The following AKT2 variants were observed in gnomAD, a reference collection of about 807,000 sequenced individuals.
AKT2 encodes the protein AKT serine/threonine kinase 2, also known as RAC-beta serine/threonine-protein kinase.
AKT2 carries 16 observed loss-of-function variants against 58.6 expected under a neutral mutation model. That is an observed-to-expected ratio of 0.27 (90% confidence interval 0.18 to 0.41). The LOEUF is 0.41. Ranked by LOEUF, AKT2 falls within the 10% of genes least tolerant of loss-of-function variation. AKT2 has a pLI of 1.00. For synonymous variants in AKT2, 253 were observed against 254.0 expected (o/e 1.00, Z 0.04); for missense variants, 438 against 661.0 (o/e 0.66, Z 3.70).
Position 40,235,242 on chromosome 19 carries a change from G to A in AKT2, c.1263+21C>T, listed in dbSNP as rs149140713. The A allele has an allele frequency of 1.2e-6, 2 of 1,614,034 alleles. No homozygotes were observed. Among genetic ancestry groups the A allele is most frequent in the Non-Finnish European group, 1.7e-6 (2 of 1,179,966 alleles). On this transcript the variant is annotated intron_variant, in intron 12 of 13. Coordinates refer to ENST00000392038, the MANE Select transcript of AKT2 (RefSeq NM_001626.6). This position sits in a 1 kb window ranked among gnomAD's most constrained non-coding sequence, Gnocchi z 6.3. Reference sequence around the variant, plus strand: ...GGGCCAGGTCCCTGAGGGTCCTGCTGGGGCAAGCAGTGGGGCTCACCTTCT... The same window carrying A: ...GGGCCAGGTCCCTGAGGGTCCTGCTAGGGCAAGCAGTGGGGCTCACCTTCT...
chr19:40,261,469 G>T (rs1481372450), intron 2 of AKT2, among the ~76,000 whole-genome samples: 2 of 150,824 alleles, frequency 1.3e-5, no homozygotes, highest in Non-Finnish European at 2.9e-5. Flanking sequence ...GGAGGCAGAG[G>T]TTGCAGTGAG....
rs1973847051 is a variant in AKT2, at chr19:40,233,862, G to A, written c.*10C>T. The stretch of plus-strand genomic sequence containing the variant: ...GCAGCGAGCGTGCGTCCTCTGCGTG[G>A]GCAGACTGCTCACTCGCGGATGCTG... On this transcript the variant is annotated 3_prime_UTR_variant, in exon 14 of 14. Transcript: ENST00000392038. This position sits in a 1 kb window ranked among gnomAD's most constrained non-coding sequence, Gnocchi z 4.3. 1.2e-6 allele frequency: 2 copies of A among 1,609,992 alleles called. No homozygotes were observed. Among genetic ancestry groups the A allele is most frequent in the Admixed American group, 3.3e-5 (2 of 59,990 alleles).
At chr19:40,270,779 G>C (rs1216268438) in intron 1 of AKT2, 1 of 152,182 alleles carries the variant, frequency 6.6e-6, no homozygotes. Flanking sequence ...TTGGAAGGCT[G>C]AGGCAAGAGG....
intron 1 of AKT2, among the ~76,000 whole-genome samples, chr19:40,271,416 G>A (rs781399280): frequency 4.0e-4 from 52 of 130,342 alleles, no homozygotes; most frequent in Non-Finnish European, 7.4e-4. Flanking sequence ...GACAAAGCCA[G>A]ACCCTGTCTC....
intron 4 of AKT2, among the ~76,000 whole-genome samples, chr19:40,247,670 G>C (rs991160525): frequency 6.6e-6 from 1 of 152,148 alleles, no homozygotes; most frequent in African/African-American, 2.4e-5. Context: ...CCCCACCCCT[G>C]CCACTCAACA....
intron 1 of AKT2, among the ~76,000 whole-genome samples, chr19:40,280,228 C>G (rs774747605): frequency 2.0e-5 from 3 of 152,172 alleles, no homozygotes; most frequent in Non-Finnish European, 4.4e-5. Context: ...TGCTGCCCTG[C>G]GTTGCTATTC....
Position 40,233,842 on chromosome 19 carries a change from G to A in AKT2, c.*30C>T, listed in dbSNP as rs776888006. 1.0e-5 allele frequency: 16 copies of A among 1,605,250 alleles called. No homozygotes were observed. Among genetic ancestry groups the A allele is most frequent in the South Asian group, 2.2e-5 (2 of 90,992 alleles). On this transcript the variant is annotated 3_prime_UTR_variant, in exon 14 of 14. Coordinates refer to ENST00000392038, the MANE Select transcript of AKT2 (RefSeq NM_001626.6). The surrounding 1 kb of genome is among the most constrained non-coding windows in gnomAD (Gnocchi z 4.3). ...AAAACCACCCAGCGGTGATGGCAGC[G>A]AGCGTGCGTCCTCTGCGTGGGCAGA... is the stretch of plus-strand genomic sequence containing the variant.
In AKT2 at chr19:40,241,496, C is replaced by T. The variant is rs543117843; in HGVS notation, c.573+442G>A. On this transcript the variant is annotated intron_variant, in intron 6 of 13. Transcript: ENST00000392038. ...ACTGGACAATGGCTACATGGGGGTC[C>T]GTAATATTTATTTTCTTTTTAAATT... 42 of 266,538 alleles carry T rather than the reference C, an allele frequency of 1.6e-4. No individual in the cohort carries two copies. The East Asian group carries it at 3.8e-3, about 24-fold the overall frequency. 16.5% of individuals were successfully genotyped at this position (266,538 alleles called of 1,614,324 possible).
In AKT2 at chr19:40,237,569, C is replaced by T. The variant is rs569713925; in HGVS notation, c.831+400G>A. 17 of 199,922 alleles carry T rather than the reference C, an allele frequency of 8.5e-5. No individual in the cohort carries two copies. Among genetic ancestry groups the T allele is most frequent in the Non-Finnish European group, 1.0e-5 (1 of 95,848 alleles). The allele number at this position is 199,922 out of a possible 1,614,324, so 12.4% of individuals were successfully genotyped here. A position where few individuals can be genotyped will look rare whatever the true frequency, so the allele number is the denominator to read the frequency against. On this transcript the variant is annotated intron_variant, in intron 9 of 13. Coordinates refer to ENST00000392038, the MANE Select transcript of AKT2 (RefSeq NM_001626.6). This position sits in a 1 kb window ranked among gnomAD's most constrained non-coding sequence, Gnocchi z 4.5. ...CTGAGGCAGGACAATCGCTTGAACC[C>T]GGGAGGCAGAGGTTGCAGCGAGCCG...
chr19:40,261,984 G>A (rs1446610797), intron 2 of AKT2, among the ~76,000 whole-genome samples: 1 of 151,810 alleles, frequency 6.6e-6, no homozygotes, highest in East Asian at 1.9e-4. Context: ...TAACTGCTTG[G>A]GAGGAGCACT....
Position 40,235,805 on chromosome 19 carries a change from C to T in AKT2, c.1175+85G>A. On this transcript the variant is annotated intron_variant, in intron 11 of 13. Coordinates refer to ENST00000392038, the MANE Select transcript of AKT2 (RefSeq NM_001626.6). The surrounding 1 kb of genome is among the most constrained non-coding windows in gnomAD (Gnocchi z 6.3). ...CACACTGCGACCCTACAAGCGAGCA[C>T]CCTTGTGGACGCTGCCCCCTCCAGG... is the stretch of plus-strand genomic sequence containing the variant. The T allele has an allele frequency of 7.2e-7, 1 of 1,396,522 alleles. No homozygotes were observed. Among genetic ancestry groups the T allele is most frequent in the South Asian group, 1.3e-5 (1 of 75,696 alleles). The allele number at this position is 1,396,522 out of a possible 1,614,324, so 86.5% of individuals were successfully genotyped here. A position where few individuals can be genotyped will look rare whatever the true frequency, so the allele number is the denominator to read the frequency against.
At position 40,234,229 on chromosome 19, in the gene AKT2, CCAT is replaced by C. The variant is rs1165504369; in HGVS notation, c.1367-281_1367-279del. Among the ~76,000 whole-genome samples, 1 of 152,216 alleles carries C rather than the reference CCAT, an allele frequency of 6.6e-6. No individual in the cohort carries two copies. The highest frequency in any genetic ancestry group is 2.4e-5 in the African/African-American group (1 of 41,458). On this transcript the variant is annotated intron_variant, in intron 13 of 13. Transcript: ENST00000392038. This position sits in a 1 kb window ranked among gnomAD's most constrained non-coding sequence, Gnocchi z 4.7. Reference sequence around the variant, plus strand: ...CACCTTCTCTCTGCCCCACACACCACCATGCCAGAGTCCAGCCCAGAGCCCTGT... The same window carrying C: ...CACCTTCTCTCTGCCCCACACACCACGCCAGAGTCCAGCCCAGAGCCCTGT...
chr19:40,258,631 A>G (rs1183931825), intron 2 of AKT2, among the ~76,000 whole-genome samples: 1 of 151,518 alleles, frequency 6.6e-6, no homozygotes, highest in African/African-American at 2.4e-5. Context: ...AGTCCAGCCC[A>G]GTGACAGAGC....
At chr19:40,252,617 A>G (rs1975242548) in intron 4 of AKT2, among the ~76,000 whole-genome samples, 1 of 152,110 alleles carries the variant, frequency 6.6e-6, no homozygotes, top group African/African-American at 2.4e-5. Flanking sequence ...CCTGGAGTCC[A>G]AGGCCTTGGC....
intron 2 of AKT2, among the ~76,000 whole-genome samples, chr19:40,264,120 A>G (rs756442903): frequency 7.9e-5 from 12 of 152,150 alleles, no homozygotes; most frequent in Non-Finnish European, 1.5e-4. Flanking sequence ...GACCTAGAAC[A>G]GCGCCTGGCC....
At chr19:40,239,428 A>C (rs1439746311) in intron 7 of AKT2, 4 of 262,548 alleles carry the variant, frequency 1.5e-5, no homozygotes, top group Non-Finnish European at 3.0e-5. Flanking sequence ...TTCCTCAGAG[A>C]CTCCCACCAG....
chr19:40,241,936 A>G lies in AKT2; in HGVS notation c.573+2T>C. The G allele has an allele frequency of 6.2e-7, 1 of 1,613,842 alleles. No homozygotes were observed. Among genetic ancestry groups the G allele is most frequent in the Non-Finnish European group, 8.5e-7 (1 of 1,180,038 alleles). On this transcript the variant is annotated splice_donor_variant, in intron 6 of 13. Transcript: ENST00000392038. LOFTEE classifies it high-confidence loss of function. ...CGCGAGCGCAATTCCCGGGGCACGC[A>G]CCTTGGCAATGATGACTTCCTTCCG...
intron 1 of AKT2, chr19:40,266,099 CA>C (rs1976332080): frequency 6.6e-6 from 1 of 152,454 alleles, no homozygotes; most frequent in Non-Finnish European, 1.5e-5. Context: ...CTTCTGTCCT[CA>C]GGGACCAGCA....
intron 1 of AKT2, among the ~76,000 whole-genome samples, chr19:40,279,957 C>T (rs1175172421): frequency 6.6e-6 from 1 of 152,228 alleles, no homozygotes; most frequent in Non-Finnish European, 1.5e-5. Context: ...AGTCCCTACC[C>T]ACACGTCACC....
Sources: allele counts gnomAD v4.1 joint callset (sites outside exome capture counted in the v4.1 genomes callset), GRCh38; gene constraint gnomAD v4.1.1; non-coding constraint Gnocchi (gnomAD v3.1); transcripts MANE v1.5; gene names NCBI Gene and HGNC (gene_info 2026-07-23, HGNC 2026-07-21).